Variants in FCHSD2 observed in about 807,000 individuals in gnomAD.
FCHSD2 encodes the protein FCH and double SH3 domains 2.
Under a neutral mutation model 108.1 loss-of-function variants are expected in FCHSD2, and 38 were observed. The ratio of observed to expected loss-of-function variants is 0.35; its 90% CI spans 0.27 to 0.46. The LOEUF is 0.46. Ranked by LOEUF, FCHSD2 falls within the 20% of genes least tolerant of loss-of-function variation. FCHSD2 has a pLI of 1.00. For missense variants in FCHSD2, 751 were observed against 897.8 expected, an observed-to-expected ratio of 0.84 and a Z score of 2.09; for synonymous variants, 279 against 314.7, an observed-to-expected ratio of 0.89 and a Z score of 1.20.
At chr11:73,071,895 C>T (rs1350648377) in intron 3 of FCHSD2, among the ~76,000 whole-genome samples, 1 of 152,070 alleles carries the variant, frequency 6.6e-6, no homozygotes, top group Non-Finnish European at 1.5e-5. Context: ...GTGCCTGACA[C>T]ATGATCTTAA....
At chr11:73,060,241 T>C (rs888972054) in intron 3 of FCHSD2, among the ~76,000 whole-genome samples, 1 of 152,208 alleles carries the variant, frequency 6.6e-6, no homozygotes, top group African/African-American at 2.4e-5. Context: ...TAAACAAATG[T>C]CTAATTGTAC....
At chr11:73,123,906 T>C (rs750462316) in intron 2 of FCHSD2, among the ~76,000 whole-genome samples, 1 of 152,226 alleles carries the variant, frequency 6.6e-6, no homozygotes, top group East Asian at 1.9e-4. Context: ...TGAAAAGAGA[T>C]AATCTTATCA....
chr11:72,862,996 C>T (rs531478343), intron 13 of FCHSD2, among the ~76,000 whole-genome samples: 4 of 152,176 alleles, frequency 2.6e-5, no homozygotes, highest in South Asian at 2.1e-4. Flanking sequence ...AATCATAGTT[C>T]GCTGTAACCT....
intron 12 of FCHSD2, among the ~76,000 whole-genome samples, chr11:72,881,562 A>C (rs1244607136): frequency 1.3e-5 from 2 of 152,250 alleles, no homozygotes; most frequent in Non-Finnish European, 2.9e-5. Context: ...AAAGGAAATC[A>C]GTGTATCAAA....
In FCHSD2 at chr11:73,140,264, T is replaced by G; in HGVS notation, c.22-136A>C. On this transcript the variant is annotated intron_variant, in intron 1 of 19. Transcript: ENST00000409418. Reference sequence around the variant, plus strand: ...GGCCATAAATCCAATATTCGCCATCTAGTTTTATTTATTGAAGATACTTAT... The same window carrying G: ...GGCCATAAATCCAATATTCGCCATCGAGTTTTATTTATTGAAGATACTTAT... The G allele has an allele frequency of 5.7e-6, 3 of 525,230 alleles. No homozygotes were observed. The South Asian group carries it at 8.6e-5, about 15-fold the overall frequency. 32.5% of individuals were successfully genotyped at this position (525,230 alleles called of 1,614,324 possible). A position where few individuals can be genotyped will look rare whatever the true frequency, so the allele number is the denominator to read the frequency against.
intron 2 of FCHSD2, among the ~76,000 whole-genome samples, chr11:73,086,111 T>G (rs990404759): frequency 6.6e-6 from 1 of 152,210 alleles, no homozygotes; most frequent in Non-Finnish European, 1.5e-5. Context: ...ATACTTACAT[T>G]ATTTTACAAG....
At chr11:72,984,922 G>T (rs1268096112) in intron 7 of FCHSD2, 140 bp downstream of exon 7, 3 of 515,372 alleles carry the variant, frequency 5.8e-6, no homozygotes, top group East Asian at 8.6e-5. Flanking sequence ...GAACTGGGAG[G>T]GAAAGTTCCT....
chr11:72,875,156 G>A (rs570073197), intron 12 of FCHSD2, among the ~76,000 whole-genome samples: 1 of 152,190 alleles, frequency 6.6e-6, no homozygotes, highest in South Asian at 2.1e-4. Flanking sequence ...AGGACTGTGT[G>A]TAATGTATTA....
At chr11:72,921,989 T>G (rs1855983990) in intron 8 of FCHSD2, 39 bp from the exon 9 acceptor site, 1 of 1,479,528 alleles carries the variant, frequency 6.8e-7, no homozygotes, top group African/African-American at 1.4e-5. Context: ...AAAATTACAG[T>G]AAAGCCTTGA....
intron 2 of FCHSD2, among the ~76,000 whole-genome samples, chr11:73,101,428 G>A (rs2135533297): frequency 6.6e-6 from 1 of 152,158 alleles, no homozygotes; most frequent in African/African-American, 2.4e-5. Flanking sequence ...TACTCTTGTT[G>A]TTATTGTTGT....
intron 8 of FCHSD2, among the ~76,000 whole-genome samples, chr11:72,981,649 T>G (rs1447843488): frequency 1.3e-5 from 2 of 152,164 alleles, no homozygotes; most frequent in Admixed American, 1.3e-4. Flanking sequence ...TGTTGGTCCT[T>G]GTAAGTCTGA....
intron 2 of FCHSD2, among the ~76,000 whole-genome samples, chr11:73,115,868 T>C (rs1324454010): frequency 6.6e-6 from 1 of 152,264 alleles, no homozygotes; most frequent in Non-Finnish European, 1.5e-5. Context: ...GTCAACTGAC[T>C]GTAGATGTTA....
intron 4 of FCHSD2, among the ~76,000 whole-genome samples, chr11:73,009,405 G>A (rs1051477755): frequency 6.6e-6 from 1 of 152,120 alleles, no homozygotes; most frequent in African/African-American, 2.4e-5. Context: ...GCTGAGGCAT[G>A]AGAATCACTT....
intron 4 of FCHSD2, among the ~76,000 whole-genome samples, chr11:73,014,689 C>G (rs946757404): frequency 6.6e-5 from 10 of 152,048 alleles, no homozygotes; most frequent in Admixed American, 2.0e-4. Flanking sequence ...TCTCAATTAC[C>G]CTGGATTCTC....
chr11:73,008,082 C>T (rs917874874), intron 4 of FCHSD2, among the ~76,000 whole-genome samples: 1 of 152,132 alleles, frequency 6.6e-6, no homozygotes, highest in Non-Finnish European at 1.5e-5. Flanking sequence ...CAGTGCCTCA[C>T]GCCTGTAGCA....
intron 13 of FCHSD2, 29 bp from the exon 14 acceptor site, chr11:72,849,918 T>C (rs372950360): frequency 1.1e-5 from 18 of 1,587,558 alleles, no homozygotes; most frequent in Non-Finnish European, 1.5e-5. Context: ...CATTGGCTAG[T>C]TTCCTTACTT....
rs1857961069 is a variant in FCHSD2 at position 73,015,902 on chromosome 11, A to G, written c.166-17T>C. On this transcript the variant is annotated splice_polypyrimidine_tract_variant and intron_variant, in intron 3 of 19. Coordinates refer to ENST00000409418, the MANE Select transcript of FCHSD2 (RefSeq NM_014824.3). Reference sequence around the variant, plus strand: ...CTGCATACCCTGTTAAAAAATACATATTTTTTCTAAAATAAATATTATGCC... The same window carrying G: ...CTGCATACCCTGTTAAAAAATACATGTTTTTTCTAAAATAAATATTATGCC... The G allele has an allele frequency of 7.0e-7, 1 of 1,434,024 alleles. No homozygotes were observed. Among genetic ancestry groups the G allele is most frequent in the African/African-American group, 1.4e-5 (1 of 69,800 alleles). The allele number at this position is 1,434,024 out of a possible 1,614,324, so 88.8% of individuals were successfully genotyped here.
At chr11:72,866,743 CA>C (rs201618443) in intron 13 of FCHSD2, among the ~76,000 whole-genome samples, 1,996 of 152,272 alleles carry the variant, frequency 0.013, 45 homozygotes, top group African/African-American at 0.046. Flanking sequence ...TTTAAATGTG[CA>C]AGTGTATTCT....
At chr11:73,134,457 G>A (rs540801960) in intron 2 of FCHSD2, among the ~76,000 whole-genome samples, 1 of 151,864 alleles carries the variant, frequency 6.6e-6, no homozygotes, top group East Asian at 1.9e-4. Context: ...GTGACAGGGC[G>A]AGACCCTGTC....
Sources: allele counts gnomAD v4.1 joint callset (sites outside exome capture counted in the v4.1 genomes callset), GRCh38; gene constraint gnomAD v4.1.1; transcripts MANE v1.5; gene names NCBI Gene and HGNC (gene_info 2026-07-23, HGNC 2026-07-21).